MAOB: variants seen among roughly 807,000 people sequenced by gnomAD.
MAOB encodes monoamine oxidase B, also known as amine oxidase [flavin-containing] B.
A neutral mutation model predicts 41.9 loss-of-function variants in MAOB; 15 were observed. The ratio of observed to expected loss-of-function variants is 0.36; its 90% CI spans 0.24 to 0.55. The LOEUF is 0.55. MAOB is among the 20% of genes least tolerant of loss of function. The pLI is 0.86. For missense variants in MAOB, 345 were observed against 398.7 expected, an observed-to-expected ratio of 0.87 and a Z score of 1.15; for synonymous variants, 167 against 144.2, an observed-to-expected ratio of 1.16 and a Z score of -1.13.
intron 3 of MAOB, among the ~76,000 whole-genome samples, chrX:43,814,926 T>C (rs954873484): frequency 1.8e-5 from 2 of 112,148 alleles, no homozygotes; most frequent in African/African-American, 6.5e-5. Flanking sequence ...CTCAAAGACC[T>C]GTCTTTCTCC....
intron 3 of MAOB, among the ~76,000 whole-genome samples, chrX:43,817,890 CAT>C (rs756452901): frequency 2.8e-4 from 31 of 112,020 alleles, no homozygotes; most frequent in Non-Finnish European, 4.9e-4. Flanking sequence ...TACATTTGTT[CAT>C]ATATATATAC....
intron 1 of MAOB, among the ~76,000 whole-genome samples, chrX:43,875,600 T>C (rs924498144): frequency 1.8e-5 from 2 of 111,799 alleles, no homozygotes; most frequent in African/African-American, 6.5e-5. Flanking sequence ...AAGCATTCTC[T>C]TGTGGGGCTG....
intron 1 of MAOB, among the ~76,000 whole-genome samples, chrX:43,859,400 T>A (rs184530697): frequency 2.0e-4 from 22 of 112,087 alleles, no homozygotes; most frequent in African/African-American, 6.5e-4. Flanking sequence ...GAATCATATT[T>A]TTGAGCAATA....
intron 3 of MAOB, among the ~76,000 whole-genome samples, chrX:43,804,493 T>TATAGATAC (rs1281381120): frequency 9.1e-6 from 1 of 110,437 alleles, no homozygotes; most frequent in African/African-American, 3.3e-5. Flanking sequence ...TACATAGATA[T>TATAGATAC]ATAGATACAT....
intron 1 of MAOB, among the ~76,000 whole-genome samples, chrX:43,859,772 G>A (rs192616025): frequency 8.9e-6 from 1 of 112,039 alleles, no homozygotes; most frequent in East Asian, 2.8e-4. Flanking sequence ...ATGAGCACAT[G>A]AGCATGTTCT....
intron 1 of MAOB, chrX:43,844,380 T>C (rs1308312900): frequency 8.9e-6 from 1 of 112,228 alleles, no homozygotes; most frequent in Non-Finnish European, 1.9e-5. Flanking sequence ...GCCTATTACA[T>C]TCTCACCACC....
At chrX:43,806,571 T>A (rs2034664490) in intron 3 of MAOB, among the ~76,000 whole-genome samples, 1 of 110,730 alleles carries the variant, frequency 9.0e-6, no homozygotes, top group South Asian at 3.9e-4. Flanking sequence ...GTCTGTCAGG[T>A]CTCTCCACTG....
rs762762296 is a variant in MAOB, at chrX:43,777,285, T to C, written c.1137+1397A>G. ...TTTTTAACAGATGTTAAGTTCTGTT[T>C]TTAGTGAGTATATACTGTATTTTTT... On this transcript the variant is annotated intron_variant, in intron 11 of 14. Coordinates refer to ENST00000378069, the MANE Select transcript of MAOB (RefSeq NM_000898.5). Among the ~76,000 whole-genome samples, 5 of 111,822 alleles carry C rather than the reference T, an allele frequency of 4.5e-5. No homozygotes were observed. The East Asian group carries it at 1.4e-3, about 31-fold the overall frequency.
Position 43,785,112 on chromosome X carries a change from C to T in MAOB, c.929-3568G>A, listed in dbSNP as rs187934865. 1.3e-3 allele frequency among the ~76,000 whole-genome samples: 142 copies of T among 113,190 alleles called. 1 individual carries two copies. Among genetic ancestry groups the T allele is most frequent in the African/African-American group, 3.8e-3 (118 of 31,225 alleles). ...GCCGTGAGCCGAGATCGCGCCACTG[C>T]GCTCCAGCCTGGGTGAAAGAGTGAG... On this transcript the variant is annotated intron_variant, in intron 8 of 14. Coordinates refer to ENST00000378069, the MANE Select transcript of MAOB (RefSeq NM_000898.5).
At chrX:43,792,326 A>G (rs1320433205) in intron 8 of MAOB, among the ~76,000 whole-genome samples, 1 of 112,266 alleles carries the variant, frequency 8.9e-6, no homozygotes, top group Non-Finnish European at 1.9e-5. Context: ...TGAAACAAAA[A>G]CAAAAATTGC....
At chrX:43,845,544 G>T (rs758273121) in intron 1 of MAOB, among the ~76,000 whole-genome samples, 1 of 111,879 alleles carries the variant, frequency 8.9e-6, no homozygotes, top group Non-Finnish European at 1.9e-5. Context: ...GACCAAGGTC[G>T]CATAAGGAGT....
At chrX:43,808,699 G>GAC (rs147523888) in intron 3 of MAOB, among the ~76,000 whole-genome samples, 21,397 of 87,432 alleles carry the variant, frequency 0.24, 1,968 homozygotes, top group Middle Eastern at 0.47. Flanking sequence ...TCTACACATA[G>GAC]ACACACACAC....
intron 9 of MAOB, 24 bp downstream of exon 9, chrX:43,781,424 C>T: frequency 9.9e-7 from 1 of 1,008,563 alleles, no homozygotes; most frequent in Non-Finnish European, 1.4e-6. Context: ...GAATAGCAGC[C>T]ACAACACCAT....
At chrX:43,865,113 C>T (rs2035356661) in intron 1 of MAOB, among the ~76,000 whole-genome samples, 1 of 112,232 alleles carries the variant, frequency 8.9e-6, no homozygotes, top group African/African-American at 3.2e-5. Context: ...TTCATAGCAG[C>T]ACTATTCATA....
At chrX:43,780,268 G>C in intron 10 of MAOB, 74 bp downstream of exon 10, 1 of 851,709 alleles carries the variant, frequency 1.2e-6, no homozygotes, top group Non-Finnish European at 1.7e-6. Context: ...AGGAAAGAAA[G>C]AGAAAAGGGA....
chrX:43,877,693 G>A (rs1194313914), intron 1 of MAOB, among the ~76,000 whole-genome samples: 2 of 112,121 alleles, frequency 1.8e-5, no homozygotes, highest in Non-Finnish European at 3.8e-5. Context: ...CCAGGTTGAG[G>A]TGAGGCTGAA....
intron 1 of MAOB, among the ~76,000 whole-genome samples, chrX:43,848,423 AC>A (rs1381586256): frequency 8.9e-6 from 1 of 112,518 alleles, no homozygotes; most frequent in Non-Finnish European, 1.9e-5. Flanking sequence ...AATCATGTTA[AC>A]CAAAATTGAC....
intron 11 of MAOB, among the ~76,000 whole-genome samples, chrX:43,776,468 A>G (rs970884455): frequency 1.8e-5 from 2 of 112,239 alleles, no homozygotes; most frequent in Admixed American, 1.9e-4. Context: ...AGGAACTTCA[A>G]TTAACAAACT....
intron 12 of MAOB, among the ~76,000 whole-genome samples, chrX:43,773,507 C>T (rs751024489): frequency 6.2e-5 from 7 of 112,770 alleles, no homozygotes; most frequent in Non-Finnish European, 9.4e-5. Flanking sequence ...ATGGTTGGCA[C>T]TTAGCCAATA....
Sources: allele counts gnomAD v4.1 joint callset (sites outside exome capture counted in the v4.1 genomes callset), GRCh38; gene constraint gnomAD v4.1.1; transcripts MANE v1.5; gene names NCBI Gene and HGNC (gene_info 2026-07-23, HGNC 2026-07-21).